Variants in ARHGEF10 observed in about 807,000 individuals in gnomAD.
ARHGEF10 encodes the protein Rho guanine nucleotide exchange factor 10.
Under a neutral mutation model 147.4 loss-of-function variants are expected in ARHGEF10, and 140 were observed. The observed-to-expected ratio is 0.95, with a 90% confidence interval of 0.83 to 1.09. The LOEUF (loss-of-function observed/expected upper bound fraction) is 1.09, where lower values mean the gene tolerates loss of function less well. Ranked by LOEUF, ARHGEF10 falls within the 50% of genes least tolerant of loss-of-function variation. The pLI is 0.00. For missense variants in ARHGEF10, 2,222 were observed against 1,752.7 expected (o/e 1.27, Z -4.78); for synonymous variants, 902 against 695.8 (o/e 1.30, Z -4.67).
intron 8 of ARHGEF10, among the ~76,000 whole-genome samples, chr8:1,878,236 C>T (rs1328856261): frequency 6.6e-6 from 1 of 151,998 alleles, no homozygotes; most frequent in Non-Finnish European, 1.5e-5. Flanking sequence ...GTCGCTCAGG[C>T]TGAAGTACAA....
intron 18 of ARHGEF10, among the ~76,000 whole-genome samples, chr8:1,916,594 G>A (rs894873849): frequency 1.3e-5 from 2 of 152,168 alleles, no homozygotes; most frequent in Admixed American, 6.5e-5. Flanking sequence ...CTGCCGTAAC[G>A]TGTCCAGAAC....
chr8:1,908,880 A>T (rs377655851), intron 17 of ARHGEF10, among the ~76,000 whole-genome samples: 9 of 152,226 alleles, frequency 5.9e-5, no homozygotes, highest in South Asian at 2.1e-4. Context: ...AAGTGGTTAC[A>T]GTGTAGCCAT....
intron 26 of ARHGEF10, among the ~76,000 whole-genome samples, chr8:1,942,671 A>C (rs1814199082): frequency 1.3e-5 from 2 of 152,182 alleles, no homozygotes; most frequent in African/African-American, 4.8e-5. Context: ...ATAGTCAAAA[A>C]GCGGATGCAG....
At chr8:1,895,195 T>C (rs796077248) in intron 13 of ARHGEF10, among the ~76,000 whole-genome samples, 21 of 152,374 alleles carry the variant, frequency 1.4e-4, no homozygotes, top group African/African-American at 5.0e-4. Flanking sequence ...ACTGGTGGTT[T>C]CTGCACTGGC....
intron 18 of ARHGEF10, among the ~76,000 whole-genome samples, chr8:1,913,918 C>A (rs1811563995): frequency 2.6e-5 from 4 of 152,136 alleles, no homozygotes. Flanking sequence ...AGAGACAGCT[C>A]CTGAAACCTC....
At chr8:1,920,926 T>C (rs918817634) in intron 18 of ARHGEF10, among the ~76,000 whole-genome samples, 1 of 152,136 alleles carries the variant, frequency 6.6e-6, no homozygotes, top group Non-Finnish European at 1.5e-5. Flanking sequence ...TAGGTGGGAT[T>C]ACAGCATGCA....
rs748883642 is a variant in ARHGEF10, at chr8:1,876,747, T to C, written c.843+13T>C. ...CCACAAAAAGCAAGTACGTGTTCCC[T>C]GCACATGTGAGGGATGGTTCTCTCG... is the stretch of plus-strand genomic sequence containing the variant. On this transcript the variant is annotated intron_variant, in intron 8 of 28. Transcript: ENST00000349830. The C allele has an allele frequency of 8.1e-6, 13 of 1,613,948 alleles. No individual in the cohort carries two copies. The highest frequency in any genetic ancestry group is 1.6e-4 in the Middle Eastern group (1 of 6,082).
At chr8:1,890,193 A>AGGGTTTGTGAGGAGACACTGAG (rs1809366724) in intron 11 of ARHGEF10, among the ~76,000 whole-genome samples, 1 of 53,178 alleles carries the variant, frequency 1.9e-5, no homozygotes, top group African/African-American at 8.5e-5. Context: ...GAGACACTGA[A>AGGGTTTGTGAGGAGACACTGAG]TAGGGTGAGG....
chr8:1,919,455 TCCATGGGTGATGGAG>T (rs1812041633), intron 18 of ARHGEF10, among the ~76,000 whole-genome samples: 1 of 149,570 alleles, frequency 6.7e-6, no homozygotes, highest in African/African-American at 2.5e-5. Context: ...ATGGAGCTGT[TCCATGGGTGATGGAG>T]CTGTTCTGTC....
intron 1 of ARHGEF10, among the ~76,000 whole-genome samples, chr8:1,827,584 G>T (rs1192453129): frequency 6.6e-6 from 1 of 152,196 alleles, no homozygotes; most frequent in Non-Finnish European, 1.5e-5. Context: ...GGGATTACAG[G>T]CGTGAGCCAC....
At chr8:1,894,734 G>T (rs1408073541) in intron 13 of ARHGEF10, among the ~76,000 whole-genome samples, 162 bp downstream of exon 13, 4 of 152,180 alleles carry the variant, frequency 2.6e-5, no homozygotes, top group South Asian at 4.1e-4. Context: ...CCAAGCGTGT[G>T]CGCTAGGGAA....
chr8:1,864,547 G>A lies in ARHGEF10; in HGVS notation c.545+111G>A, dbSNP rs1001544754. On this transcript the variant is annotated intron_variant, in intron 5 of 28. Transcript: ENST00000349830. ...CCCGCCATCCTCAGCTCTGCGCGGCGGGAGCTGTCCCAACCCCACCTCCTG... is the reference window on the plus strand; with the variant it reads ...CCCGCCATCCTCAGCTCTGCGCGGCAGGAGCTGTCCCAACCCCACCTCCTG... 227 of 1,166,498 alleles carry A rather than the reference G, an allele frequency of 1.9e-4. No homozygotes were observed. The Admixed American group carries it at 3.8e-3, about 19-fold the overall frequency. 72.3% of individuals were successfully genotyped at this position (1,166,498 alleles called of 1,614,324 possible).
intron 18 of ARHGEF10, among the ~76,000 whole-genome samples, chr8:1,918,465 TG>T (rs1811927812): frequency 2.9e-5 from 1 of 34,212 alleles, no homozygotes; most frequent in South Asian, 1.3e-3. Context: ...GATGGCTGTG[TG>T]TGTGTGTGTG....
At chr8:1,932,412 C>G (rs370364825) in intron 25 of ARHGEF10, among the ~76,000 whole-genome samples, 3 of 151,948 alleles carry the variant, frequency 2.0e-5, no homozygotes, top group Non-Finnish European at 4.4e-5. Flanking sequence ...GTGCATGTGA[C>G]GGCAGGTGCA....
At chr8:1,888,584 G>A (rs1809015048) in intron 11 of ARHGEF10, among the ~76,000 whole-genome samples, 1 of 138,906 alleles carries the variant, frequency 7.2e-6, no homozygotes, top group African/African-American at 3.0e-5. Context: ...GGGGTGTGAG[G>A]GGTCTGTGAG....
chr8:1,926,010 C>T (rs1030449732), intron 22 of ARHGEF10, among the ~76,000 whole-genome samples: 3 of 152,190 alleles, frequency 2.0e-5, no homozygotes, highest in African/African-American at 7.2e-5. Flanking sequence ...CACAGGACTC[C>T]TCTGGGAGAG....
chr8:1,931,520 A>G (rs1813143067), intron 25 of ARHGEF10, among the ~76,000 whole-genome samples: 1 of 151,826 alleles, frequency 6.6e-6, no homozygotes, highest in East Asian at 2.0e-4. Context: ...GTCTCTTCGC[A>G]TCTTTCTCAC....
intron 1 of ARHGEF10, among the ~76,000 whole-genome samples, chr8:1,834,709 C>T (rs1192212817): frequency 2.0e-5 from 3 of 152,226 alleles, no homozygotes; most frequent in Non-Finnish European, 4.4e-5. Context: ...TTAACCATGA[C>T]ATTCCAGAAG....
chr8:1,956,048 C>G (rs953433261), intron 28 of ARHGEF10, among the ~76,000 whole-genome samples: 4 of 152,208 alleles, frequency 2.6e-5, no homozygotes, highest in Non-Finnish European at 5.9e-5. Context: ...TCTGAAAGCA[C>G]TTGGGGAAAG....
Sources: allele counts gnomAD v4.1 joint callset (sites outside exome capture counted in the v4.1 genomes callset), GRCh38; gene constraint gnomAD v4.1.1; transcripts MANE v1.5; gene names NCBI Gene and HGNC (gene_info 2026-07-23, HGNC 2026-07-21).